GPC4: variants seen among roughly 807,000 people sequenced by gnomAD.
The protein encoded by GPC4 is glypican 4, also known as glypican-4.
GPC4 carries 10 observed loss-of-function variants against 35.0 expected under a neutral mutation model. The observed-to-expected ratio is 0.29, with a 90% CI of 0.18 to 0.48. GPC4 has a LOEUF of 0.48. GPC4 is among the 20% of genes least tolerant of loss of function. GPC4 has a pLI of 0.99. For synonymous variants in GPC4, 167 were observed against 170.2 expected (o/e 0.98, Z 0.15); for missense variants, 322 against 451.3 (o/e 0.71, Z 2.60).
rs1049088756 is a variant in GPC4 at position 133,352,814 on chromosome X, A to G, written c.161-13473T>C. 9.0e-5 allele frequency among the ~76,000 whole-genome samples: 10 copies of G among 111,368 alleles called. No individual in the cohort carries two copies. The Admixed American group carries it at 9.6e-4, about 11-fold the overall frequency. On this transcript the variant is annotated intron_variant, in intron 1 of 8. Coordinates refer to ENST00000370828, the MANE Select transcript of GPC4 (RefSeq NM_001448.3). ...AAAAACCCTGATAAAAAGGTGCCTG[A>G]ACTCAAAGGCAAGGTATTGATTAGC...
chrX:133,385,297 G>A (rs2068683620), intron 1 of GPC4, among the ~76,000 whole-genome samples: 1 of 111,710 alleles, frequency 9.0e-6, no homozygotes, highest in Non-Finnish European at 1.9e-5. Context: ...TTGTCAGGTT[G>A]GGGGACATGG....
At chrX:133,404,546 C>CAAAAAAAAAAAAAAAAAAAAAA (rs766777711) in intron 1 of GPC4, among the ~76,000 whole-genome samples, 1 of 37,374 alleles carries the variant, frequency 2.7e-5, no homozygotes, top group African/African-American at 1.7e-4. Context: ...GACTCTGCCT[C>CAAAAAAAAAAAAAAAAAAAAAA]AAAAAAAAAA....
At chrX:133,349,914 C>T (rs2068509642) in intron 1 of GPC4, among the ~76,000 whole-genome samples, 2 of 111,722 alleles carry the variant, frequency 1.8e-5, no homozygotes, top group African/African-American at 6.5e-5. Context: ...CCACTGCACT[C>T]GGCTGAGTCA....
chrX:133,342,123 G>A (rs1213192881), intron 1 of GPC4, among the ~76,000 whole-genome samples: 3 of 97,441 alleles, frequency 3.1e-5, no homozygotes, highest in Admixed American at 2.5e-4. Flanking sequence ...TGCAACCTCC[G>A]CCTCCTGGGT....
intron 1 of GPC4, among the ~76,000 whole-genome samples, chrX:133,405,894 AAT>A (rs2068785139): frequency 8.9e-6 from 1 of 112,132 alleles, no homozygotes; most frequent in Non-Finnish European, 1.9e-5. Flanking sequence ...GCTGATAATA[AAT>A]TTCTGAAGGC....
intron 1 of GPC4, among the ~76,000 whole-genome samples, chrX:133,413,184 C>T (rs2068820161): frequency 9.0e-6 from 1 of 111,507 alleles, no homozygotes. Context: ...CTTTTCAGGG[C>T]TCTACAACCA....
chrX:133,321,427 G>A (rs2068364051), intron 3 of GPC4, among the ~76,000 whole-genome samples: 1 of 112,328 alleles, frequency 8.9e-6, no homozygotes, highest in African/African-American at 3.2e-5. Flanking sequence ...CTGCTGTCTG[G>A]CCCTTTTTCT....
intron 1 of GPC4, among the ~76,000 whole-genome samples, chrX:133,405,494 C>T (rs1297566869): frequency 1.8e-5 from 2 of 112,020 alleles, no homozygotes; most frequent in African/African-American, 6.5e-5. Context: ...ATACTAGTGC[C>T]CTCGATGATT....
chrX:133,408,812 C>T (rs975217952), intron 1 of GPC4, among the ~76,000 whole-genome samples: 1 of 111,788 alleles, frequency 8.9e-6, no homozygotes, highest in South Asian at 3.7e-4. Context: ...AGAATAAAAA[C>T]GTTCTCCAAG....
At chrX:133,335,540 T>C (rs1401234958) in intron 2 of GPC4, among the ~76,000 whole-genome samples, 1 of 110,749 alleles carries the variant, frequency 9.0e-6, no homozygotes, top group East Asian at 2.8e-4. Context: ...GTGCAAACGA[T>C]AGGAAATTAA....
chrX:133,364,800 C>T (rs1247416457), intron 1 of GPC4, among the ~76,000 whole-genome samples: 3 of 112,220 alleles, frequency 2.7e-5, no homozygotes, highest in Non-Finnish European at 3.8e-5. Context: ...ACGAATGCTG[C>T]TGAAAATCTA....
Position 133,350,136 on chromosome X carries a change from C to T in GPC4, c.161-10795G>A, listed in dbSNP as rs943119935. On this transcript the variant is annotated intron_variant, in intron 1 of 8. Coordinates refer to ENST00000370828, the MANE Select transcript of GPC4 (RefSeq NM_001448.3). Reference sequence around the variant, plus strand: ...CCAGAAGAATAACATATTCATTCATCATTAATTCTCCAAAAGATATTTCTC... The same window carrying T: ...CCAGAAGAATAACATATTCATTCATTATTAATTCTCCAAAAGATATTTCTC... 2.7e-5 allele frequency among the ~76,000 whole-genome samples: 3 copies of T among 111,224 alleles called. No individual in the cohort carries two copies. In the Admixed American group the frequency reaches 2.9e-4, roughly 11 times the overall value.
intron 1 of GPC4, among the ~76,000 whole-genome samples, chrX:133,342,032 A>ATTTTT (rs975355748): frequency 2.7e-5 from 2 of 72,895 alleles, no homozygotes; most frequent in Non-Finnish European, 5.3e-5. Flanking sequence ...TTTTGGCACT[A>ATTTTT]TTTTTTTTTT....
rs1205440117 is a variant in GPC4 at position 133,337,556 on chromosome X, A to G, written c.319+1627T>C. 2.5e-4 allele frequency among the ~76,000 whole-genome samples: 28 copies of G among 111,881 alleles called. No individual in the cohort carries two copies. In the Admixed American group the frequency reaches 2.7e-3, roughly 11 times the overall value. ...CTGCCAACGGGAGAGTCATTTCTAAAGAGCAGATTTTTTTTTCCTTCTAAA... is the reference window on the plus strand; with the variant it reads ...CTGCCAACGGGAGAGTCATTTCTAAGGAGCAGATTTTTTTTTCCTTCTAAA... On this transcript the variant is annotated intron_variant, in intron 2 of 8. Coordinates refer to ENST00000370828, the MANE Select transcript of GPC4 (RefSeq NM_001448.3).
chrX:133,328,517 A>G (rs1409551059), intron 2 of GPC4, among the ~76,000 whole-genome samples: 1 of 111,190 alleles, frequency 9.0e-6, no homozygotes, highest in Admixed American at 9.6e-5. Flanking sequence ...TTCCCATGAC[A>G]TTTACTTCTA....
chrX:133,392,527 T>C (rs746437293), intron 1 of GPC4, among the ~76,000 whole-genome samples: 86 of 107,814 alleles, frequency 8.0e-4, no homozygotes, highest in African/African-American at 2.6e-3. Flanking sequence ...TACAGCTGCA[T>C]CTTGTATGTC....
chrX:133,370,127 G>A (rs1025502765), intron 1 of GPC4, among the ~76,000 whole-genome samples: 2 of 111,696 alleles, frequency 1.8e-5, no homozygotes, highest in African/African-American at 3.3e-5. Context: ...AGAAGAGCAC[G>A]CCTCAAAACC....
At chrX:133,391,026 A>G (rs971213316) in intron 1 of GPC4, among the ~76,000 whole-genome samples, 4 of 112,387 alleles carry the variant, frequency 3.6e-5, no homozygotes, top group African/African-American at 1.3e-4. Flanking sequence ...TTGAAATTTG[A>G]TAACATCAGA....
At chrX:133,317,332 C>T (rs1192345545) in intron 3 of GPC4, among the ~76,000 whole-genome samples, 1 of 111,605 alleles carries the variant, frequency 9.0e-6, no homozygotes, top group African/African-American at 3.3e-5. Flanking sequence ...TTCCTGCCTT[C>T]CTCAGGATAT....
Sources: gnomAD v4.1 joint callset for allele counts (sites outside exome capture counted in the v4.1 genomes callset) on GRCh38, gnomAD v4.1.1 for gene constraint, MANE v1.5 for transcripts, NCBI Gene and HGNC (gene_info 2026-07-23, HGNC 2026-07-21) for gene names.